The following NDUFA13 variants were observed in gnomAD, a reference collection of about 807,000 sequenced individuals.
NDUFA13 encodes the protein NADH:ubiquinone oxidoreductase subunit A13, also known as NADH dehydrogenase [ubiquinone] 1 alpha subcomplex subunit 13.
Under a neutral mutation model 17.0 loss-of-function variants are expected in NDUFA13, and 16 were observed. That is an observed-to-expected ratio of 0.94 (90% CI 0.64 to 1.43). NDUFA13 has a LOEUF of 1.43. Among genes scored for constraint, NDUFA13 ranks in the 40% most tolerant of loss-of-function variants. NDUFA13 has a pLI of 0.00. For synonymous variants in NDUFA13, 87 were observed against 78.4 expected (o/e 1.11, Z -0.58); for missense variants, 228 against 206.7 (o/e 1.10, Z -0.63).
intron 1 of NDUFA13, among the ~76,000 whole-genome samples, chr19:19,521,987 T>C (rs2061080161): frequency 1.3e-5 from 2 of 152,130 alleles, no homozygotes; most frequent in Admixed American, 6.6e-5. Flanking sequence ...ATAGTTTCAT[T>C]TACAGCACAA....
At chr19:19,521,157 G>T (rs2061075387) in intron 1 of NDUFA13, among the ~76,000 whole-genome samples, 1 of 152,182 alleles carries the variant, frequency 6.6e-6, no homozygotes, top group African/African-American at 2.4e-5. Flanking sequence ...CACCTGCAAT[G>T]TATGAGAGTC....
chr19:19,527,867 A>G, intron 4 of NDUFA13, 97 bp downstream of exon 4: 2 of 1,480,714 alleles, frequency 1.4e-6, no homozygotes, highest in Non-Finnish European at 1.9e-6. Flanking sequence ...CCCCAGGACC[A>G]AGGGGGTGGT....
Position 19,528,026 on chromosome 19 carries a change from A to T in NDUFA13, c.335A>T (p.His112Leu), listed in dbSNP as rs1168200627. 3 of 1,612,596 alleles carry T rather than the reference A, an allele frequency of 1.9e-6. No homozygotes were observed. Among genetic ancestry groups the T allele is most frequent in the Non-Finnish European group, 2.5e-6 (3 of 1,179,920 alleles). ...CCACAGGTGGGGGAGTCTGTGTTCC[A>T]CACAACCCGCTGGGTGCCCCCCTTG... ...PDWKVGESVF[H>L]TTRWVPPLIG... Residue 112 changes from histidine (H) to leucine (L), a missense_variant, in exon 5 of 5, where the codon CAC (histidine) becomes CTC (leucine). Physicochemically the swap from His to Leu is moderately conservative, Grantham distance 99 (BLOSUM62 -3). Coordinates refer to ENST00000507754, the MANE Select transcript of NDUFA13 (RefSeq NM_015965.7).
At chr19:19,516,869 C>T (rs898567646) in intron 1 of NDUFA13, among the ~76,000 whole-genome samples, 1 of 152,124 alleles carries the variant, frequency 6.6e-6, no homozygotes, top group Non-Finnish European at 1.5e-5. Context: ...CTCACCGCAA[C>T]CTCCGCCTCC....
intron 1 of NDUFA13, among the ~76,000 whole-genome samples, chr19:19,522,431 T>G (rs1868277806): frequency 6.6e-6 from 1 of 151,442 alleles, no homozygotes; most frequent in African/African-American, 2.4e-5. Flanking sequence ...TTACATTTTC[T>G]TCTAAGAGTA....
chr19:19,527,531 CCTGGAGGAGGAGGCAG>C, intron 3 of NDUFA13, 154 bp from the exon 4 acceptor site: 1 of 951,590 alleles, frequency 1.1e-6, no homozygotes, highest in Non-Finnish European at 1.6e-6. Flanking sequence ...CGGAAGGCTT[CCTGGAGGAGGAGGCAG>C]CACTGGGGTT....
chr19:19,525,919 A>G (rs1260132040), intron 1 of NDUFA13: 2 of 963,230 alleles, frequency 2.1e-6, no homozygotes, highest in African/African-American at 3.3e-5. Context: ...CCTGCCGCCC[A>G]GGGTCCAAAC....
At chr19:19,520,221 C>T (rs1568357979) in intron 1 of NDUFA13, among the ~76,000 whole-genome samples, 2 of 152,106 alleles carry the variant, frequency 1.3e-5, no homozygotes, top group Non-Finnish European at 1.5e-5. Flanking sequence ...ACACCCAGTT[C>T]TCCTGTCCCC....
chr19:19,522,063 G>A (rs1218076807), intron 1 of NDUFA13, among the ~76,000 whole-genome samples: 1 of 152,004 alleles, frequency 6.6e-6, no homozygotes, highest in South Asian at 2.1e-4. Flanking sequence ...CCAGCACTTT[G>A]GGGGGCAGAG....
intron 1 of NDUFA13, among the ~76,000 whole-genome samples, chr19:19,522,236 C>T (rs1218108854): frequency 2.6e-5 from 4 of 151,646 alleles, no homozygotes; most frequent in East Asian, 4.0e-4. Context: ...ACCCGGGAGG[C>T]GGAGCTTGCA....
intron 1 of NDUFA13, 92 bp from the exon 2 acceptor site, chr19:19,526,090 T>C (rs1326116739): frequency 3.8e-6 from 6 of 1,563,426 alleles, no homozygotes; most frequent in Non-Finnish European, 5.2e-6. Context: ...AAGCCGCCAG[T>C]GTCCCCTGAT....
chr19:19,526,742 C>A (rs2061101395), intron 2 of NDUFA13: 1 of 291,010 alleles, frequency 3.4e-6, no homozygotes, highest in South Asian at 3.3e-5. Flanking sequence ...GCCCCCCTCT[C>A]CCTGTGTCAC....
At chr19:19,524,952 A>G (rs996169715) in intron 1 of NDUFA13, among the ~76,000 whole-genome samples, 1 of 152,072 alleles carries the variant, frequency 6.6e-6, no homozygotes, top group Non-Finnish European at 1.5e-5. Flanking sequence ...TGGAAGGATC[A>G]CTTGAACCCA....
chr19:19,519,813 C>A (rs1414771839), intron 1 of NDUFA13, among the ~76,000 whole-genome samples: 1 of 152,158 alleles, frequency 6.6e-6, no homozygotes, highest in East Asian at 1.9e-4. Context: ...AGCCATGGTC[C>A]ACAGTGGCCT....
At chr19:19,527,009 A>G (rs2061103204) in intron 2 of NDUFA13, among the ~76,000 whole-genome samples, 1 of 152,198 alleles carries the variant, frequency 6.6e-6, no homozygotes, top group Non-Finnish European at 1.5e-5. Context: ...TTTTTAGGAT[A>G]AAAAAAGTTT....
rs182562022 is a variant in NDUFA13 at position 19,526,177 on chromosome 19, C to T, written c.95-5C>T. Reference sequence around the variant, plus strand: ...TGGCCCGCTGAGCAGCGCCTCTCTTCACAGGCTACAGCATGCTGGCCATAG... The same window carrying T: ...TGGCCCGCTGAGCAGCGCCTCTCTTTACAGGCTACAGCATGCTGGCCATAG... On this transcript the variant is annotated splice_polypyrimidine_tract_variant and splice_region_variant and intron_variant, in intron 1 of 4. Transcript: ENST00000507754. 1.6e-4 allele frequency: 266 copies of T among 1,613,810 alleles called. No homozygotes were observed. The highest frequency in any genetic ancestry group is 3.3e-4 in the South Asian group (30 of 91,060).
chr19:19,523,316 T>A (rs1468787538), intron 1 of NDUFA13, among the ~76,000 whole-genome samples: 1 of 152,202 alleles, frequency 6.6e-6, no homozygotes, highest in Non-Finnish European at 1.5e-5. Context: ...AAGGCCGGGC[T>A]CAGTGGCTCA....
intron 3 of NDUFA13, 29 bp from the exon 4 acceptor site, chr19:19,527,672 C>T (rs1407610449): frequency 1.9e-6 from 3 of 1,539,042 alleles, no homozygotes; most frequent in East Asian, 2.5e-5. Context: ...ACTGAGGCCC[C>T]ACCCCCACCA....
intron 1 of NDUFA13, among the ~76,000 whole-genome samples, chr19:19,525,772 C>G (rs1568359751): frequency 6.6e-6 from 1 of 152,126 alleles, no homozygotes; most frequent in Non-Finnish European, 1.5e-5. Context: ...CGGGGGGTGG[C>G]TGGGCAGCCC....
Sources: allele counts gnomAD v4.1 joint callset (sites outside exome capture counted in the v4.1 genomes callset), GRCh38; gene constraint gnomAD v4.1.1; transcripts MANE v1.5; gene names NCBI Gene and HGNC (gene_info 2026-07-23, HGNC 2026-07-21).